Variants in TRAPPC9 observed in about 807,000 individuals in gnomAD.
TRAPPC9 encodes IKK2 binding protein.
A neutral mutation model predicts 124.0 loss-of-function variants in TRAPPC9; 83 were observed. The observed-to-expected ratio is 0.67, with a 90% CI of 0.56 to 0.80. The LOEUF is 0.80. Ranked by LOEUF, TRAPPC9 falls within the 30% of genes least tolerant of loss-of-function variation. The probability of loss-of-function intolerance (pLI) is 0.00; values close to 1 mark genes in which losing one functional copy is unlikely to be tolerated. For synonymous variants in TRAPPC9, 638 were observed against 617.5 expected (o/e 1.03, Z -0.49); for missense variants, 1,302 against 1,508.3 (o/e 0.86, Z 2.27).
At chr8:139,912,878 T>A (rs1273308106) in intron 19 of TRAPPC9, among the ~76,000 whole-genome samples, 1 of 152,250 alleles carries the variant, frequency 6.6e-6, no homozygotes, top group African/African-American at 2.4e-5. Context: ...AAAGGCAGAC[T>A]GAAGCAAACT....
intron 18 of TRAPPC9, among the ~76,000 whole-genome samples, chr8:140,005,922 A>AAGGAG (rs1340106192): frequency 4.6e-5 from 7 of 151,488 alleles, no homozygotes; most frequent in South Asian, 4.2e-4. Context: ...AAAAAAAAAA[A>AAGGAG]AAGGAGGAGG....
At chr8:140,280,029 G>C (rs1039332765) in intron 14 of TRAPPC9, among the ~76,000 whole-genome samples, 2 of 152,210 alleles carry the variant, frequency 1.3e-5, no homozygotes, top group African/African-American at 4.8e-5. Flanking sequence ...AGCTCTCTCA[G>C]TGCCCACCTC....
chr8:140,169,773 C>T (rs568971223), intron 17 of TRAPPC9, among the ~76,000 whole-genome samples: 2 of 152,150 alleles, frequency 1.3e-5, no homozygotes, highest in South Asian at 2.1e-4. Flanking sequence ...GGAGGAGGAT[C>T]GGCTGCTAGA....
intron 21 of TRAPPC9, among the ~76,000 whole-genome samples, chr8:139,884,752 C>T (rs1340105425): frequency 1.3e-5 from 2 of 152,176 alleles, no homozygotes; most frequent in African/African-American, 4.8e-5. Flanking sequence ...TGCAGAAACA[C>T]CAAGCCTTTC....
chr8:139,756,405 A>G, intron 21 of TRAPPC9, among the ~76,000 whole-genome samples: 1 of 131,702 alleles, frequency 7.6e-6, no homozygotes, highest in African/African-American at 3.2e-5. Context: ...GGGTATAAGG[A>G]CAGCAGATCA....
chr8:139,984,498 G>A lies in TRAPPC9; in HGVS notation c.2810+4228C>T, dbSNP rs1231408134. On this transcript the variant is annotated intron_variant, in intron 19 of 22. Coordinates refer to ENST00000438773, the MANE Select transcript of TRAPPC9 (RefSeq NM_001160372.4). This position sits in a 1 kb window ranked among gnomAD's most constrained non-coding sequence, Gnocchi z 4.3. The stretch of plus-strand genomic sequence containing the variant: ...CAGGGGTGCCTCCTCGTAGGGGAAC[G>A]GGAGAGCCAGGAGAGAGGTTCGGCT... Among the ~76,000 whole-genome samples the A allele has an allele frequency of 2.6e-5, 4 of 152,132 alleles. No individual in the cohort carries two copies. Among genetic ancestry groups the A allele is most frequent in the Non-Finnish European group, 5.9e-5 (4 of 68,016 alleles).
At chr8:140,172,359 A>G (rs1239134189) in intron 17 of TRAPPC9, among the ~76,000 whole-genome samples, 5 of 150,632 alleles carry the variant, frequency 3.3e-5, no homozygotes, top group Non-Finnish European at 5.9e-5. Flanking sequence ...CTACCTCTGG[A>G]CAATGGAGGG....
chr8:140,356,338 A>C (rs527748368), intron 9 of TRAPPC9, among the ~76,000 whole-genome samples: 23 of 152,350 alleles, frequency 1.5e-4, no homozygotes, highest in Admixed American at 1.4e-3. Flanking sequence ...TCTACTTCTC[A>C]GTGCCGTCAT....
At chr8:139,769,583 C>T (rs1438032272) in intron 21 of TRAPPC9, among the ~76,000 whole-genome samples, 3 of 152,102 alleles carry the variant, frequency 2.0e-5, no homozygotes, top group Non-Finnish European at 4.4e-5. Flanking sequence ...AAAGCAAAAC[C>T]GAGGATAAGG....
At chr8:140,333,671 G>A (rs549982186) in intron 9 of TRAPPC9, among the ~76,000 whole-genome samples, 5 of 152,204 alleles carry the variant, frequency 3.3e-5, no homozygotes, top group Middle Eastern at 3.2e-3. Context: ...GATTACAGGC[G>A]TAAGCCACCG....
intron 2 of TRAPPC9, among the ~76,000 whole-genome samples, chr8:140,449,403 T>G (rs1171263526): frequency 6.6e-6 from 1 of 152,218 alleles, no homozygotes; most frequent in East Asian, 1.9e-4. Context: ...GGCAAACAGC[T>G]GCTGCCTAGG....
intron 8 of TRAPPC9, among the ~76,000 whole-genome samples, chr8:140,364,385 T>G (rs1029169063): frequency 1.3e-5 from 2 of 151,412 alleles, no homozygotes; most frequent in Non-Finnish European, 2.9e-5. Context: ...CATTCACAAG[T>G]GCACATAGAA....
chr8:139,767,178 C>T (rs889355631), intron 21 of TRAPPC9, among the ~76,000 whole-genome samples: 2 of 152,210 alleles, frequency 1.3e-5, no homozygotes, highest in Admixed American at 6.5e-5. Context: ...ATTACTATTT[C>T]TTATATAACA....
intron 19 of TRAPPC9, among the ~76,000 whole-genome samples, chr8:139,942,833 C>A (rs1433933451): frequency 6.6e-6 from 1 of 152,172 alleles, no homozygotes; most frequent in African/African-American, 2.4e-5. Flanking sequence ...ACTCTGCCAT[C>A]TTCCTTGGCC....
intron 19 of TRAPPC9, among the ~76,000 whole-genome samples, chr8:139,940,208 A>G (rs552553365): frequency 3.9e-5 from 6 of 152,230 alleles, no homozygotes; most frequent in African/African-American, 1.4e-4. Flanking sequence ...ACTGCCCCCA[A>G]GTCTCTCTTA....
intron 18 of TRAPPC9, among the ~76,000 whole-genome samples, chr8:140,016,109 C>T (rs1046556051): frequency 1.4e-4 from 22 of 152,110 alleles, no homozygotes; most frequent in African/African-American, 4.6e-4. Context: ...GATGCCTTTC[C>T]AGCTCTCCCC....
intron 17 of TRAPPC9, among the ~76,000 whole-genome samples, chr8:140,064,084 G>C (rs774482076): frequency 6.6e-6 from 1 of 151,818 alleles, no homozygotes; most frequent in Non-Finnish European, 1.5e-5. Context: ...CAGTGCATCA[G>C]AACAGCATAC....
chr8:140,263,457 C>T (rs2064501056), intron 15 of TRAPPC9, among the ~76,000 whole-genome samples: 1 of 152,048 alleles, frequency 6.6e-6, no homozygotes, highest in Admixed American at 6.6e-5. Context: ...GAACGCTGGG[C>T]TAAGAAACTA....
intron 21 of TRAPPC9, among the ~76,000 whole-genome samples, chr8:139,862,075 T>A (rs1026911671): frequency 2.4e-4 from 36 of 152,252 alleles, no homozygotes; most frequent in African/African-American, 8.4e-4. Context: ...CCTGATTTCA[T>A]CTCTCTGAAG....
Sources: gnomAD v4.1 joint callset for allele counts (sites outside exome capture counted in the v4.1 genomes callset) on GRCh38, gnomAD v4.1.1 for gene constraint, Gnocchi (gnomAD v3.1) non-coding constraint, MANE v1.5 for transcripts, NCBI Gene and HGNC (gene_info 2026-07-23, HGNC 2026-07-21) for gene names.